Variants in HDAC5 observed in about 807,000 individuals in gnomAD.
The protein encoded by HDAC5 is histone deacetylase 5, also known as antigen NY-CO-9.
In HDAC5, 25 loss-of-function variants were observed where a neutral mutation model predicts 133.3. That is an observed-to-expected ratio of 0.19 (90% confidence interval 0.14 to 0.26). HDAC5 has a LOEUF of 0.26. Among genes scored for constraint, HDAC5 ranks in the 10% least tolerant of loss-of-function variants. The pLI is 1.00. For synonymous variants in HDAC5, 589 were observed against 610.8 expected (o/e 0.96, Z 0.53); for missense variants, 1,041 against 1,460.5 (o/e 0.71, Z 4.68).
intron 3 of HDAC5, among the ~76,000 whole-genome samples, chr17:44,109,980 C>T (rs746219695): frequency 6.6e-4 from 100 of 152,342 alleles, no homozygotes; most frequent in Non-Finnish European, 1.2e-3. Context: ...CTCTGGGGGA[C>T]CCCACCCCTA....
chr17:44,091,624 A>G, intron 10 of HDAC5, 76 bp downstream of exon 10: 2 of 1,503,922 alleles, frequency 1.3e-6, no homozygotes, highest in Non-Finnish European at 1.8e-6. Flanking sequence ...TTGGAAGGGG[A>G]AAACCCCAGC....
In HDAC5 at chr17:44,093,499, G is replaced by T; in HGVS notation, c.355-14C>A. The T allele has an allele frequency of 6.2e-7, 1 of 1,603,482 alleles. No homozygotes were observed. ...CTCCTGCTGCTGCTGCAGGGGCATG[G>T]GAACGGAGGCACAAGTGAGCCAGGC... On this transcript the variant is annotated splice_polypyrimidine_tract_variant and intron_variant, in intron 4 of 26. Coordinates refer to ENST00000682912, the MANE Select transcript of HDAC5 (RefSeq NM_005474.5).
At chr17:44,118,681 C>G (rs1482085379) in intron 1 of HDAC5, among the ~76,000 whole-genome samples, 1 of 152,158 alleles carries the variant, frequency 6.6e-6, no homozygotes, top group Non-Finnish European at 1.5e-5. Flanking sequence ...CCACGATCCA[C>G]CCCAGACATG....
Position 44,093,737 on chromosome 17 carries a change from C to T in HDAC5, c.192G>A (p.Val64=). 6.2e-7 allele frequency: 1 copy of T among 1,604,316 alleles called. No homozygotes were observed. Among genetic ancestry groups the T allele is most frequent in the Non-Finnish European group, 8.5e-7 (1 of 1,175,506 alleles). ...CCCGCAGTGTGGGGTCCACAGAGCC[C>T]ACCAGAGCCCCCCGTAGCTCCACAG... The part of the protein sequence containing the change: ...PSPVELRGAL[V]GSVDPTLREQ... Residue 64 remains valine, a synonymous_variant, in exon 4 of 27, where the codon GTG becomes GTA. Coordinates refer to ENST00000682912, the MANE Select transcript of HDAC5 (RefSeq NM_005474.5).
chr17:44,108,412 G>A (rs1274731480), intron 3 of HDAC5, among the ~76,000 whole-genome samples: 1 of 152,128 alleles, frequency 6.6e-6, no homozygotes, highest in African/African-American at 2.4e-5. Context: ...CAACAACCAA[G>A]ACAGCCCAGA....
At chr17:44,108,045 G>A (rs540033916) in intron 3 of HDAC5, among the ~76,000 whole-genome samples, 3 of 152,152 alleles carry the variant, frequency 2.0e-5, no homozygotes, top group Non-Finnish European at 2.9e-5. Context: ...CAAACTCCCA[G>A]GCTCCCCAAG....
At chr17:44,100,576 T>C (rs1320809949) in intron 3 of HDAC5, among the ~76,000 whole-genome samples, 10 of 16,986 alleles carry the variant, frequency 5.9e-4, no homozygotes, top group African/African-American at 1.6e-3. Context: ...CTACTAAAGA[T>C]ACAAAAAAAA....
At chr17:44,088,743 C>T (rs2050790311) in intron 11 of HDAC5, 145 bp from the exon 12 acceptor site, 1 of 1,160,074 alleles carries the variant, frequency 8.6e-7, no homozygotes, top group South Asian at 1.6e-5. Context: ...TGAAGCACCC[C>T]CCACCCAAAC....
At chr17:44,120,147 G>A (rs1397029221) in intron 1 of HDAC5, 2 of 152,462 alleles carry the variant, frequency 1.3e-5, no homozygotes, top group African/African-American at 4.8e-5. Context: ...GGGTGGAGGA[G>A]GGCAGACAAG....
At chr17:44,114,777 C>A (rs1461221967) in intron 2 of HDAC5, among the ~76,000 whole-genome samples, 1 of 152,222 alleles carries the variant, frequency 6.6e-6, no homozygotes, top group Non-Finnish European at 1.5e-5. Context: ...GGAGAACATG[C>A]AGAAGCAAAC....
intron 20 of HDAC5, among the ~76,000 whole-genome samples, chr17:44,081,388 T>C (rs1882323871): frequency 6.6e-6 from 1 of 151,662 alleles, no homozygotes; most frequent in Non-Finnish European, 1.5e-5. Flanking sequence ...TAGCTGGGAT[T>C]ACAGGCGCCC....
intron 1 of HDAC5, among the ~76,000 whole-genome samples, chr17:44,120,883 C>A (rs1168431180): frequency 6.6e-6 from 1 of 152,014 alleles, no homozygotes; most frequent in Non-Finnish European, 1.5e-5. Context: ...AGTGCCTCCC[C>A]CAAGCTAGGC....
chr17:44,093,965 C>T, intron 3 of HDAC5, 131 bp from the exon 4 acceptor site: 1 of 1,183,452 alleles, frequency 8.4e-7, no homozygotes, highest in African/African-American at 1.6e-5. Context: ...AAGTCAAATC[C>T]CTCTGCTCCA....
rs148234160 is a variant in HDAC5 at position 44,087,526 on chromosome 17, G to C, written c.1770C>G (p.Asp590Glu). 8.3e-5 allele frequency: 134 copies of C among 1,611,354 alleles called. No individual in the cohort carries two copies. The highest frequency in any genetic ancestry group is 1.0e-4 in the Non-Finnish European group (122 of 1,177,772). The change falls in exon 13 of 27, where the codon GAC becomes GAG. Residue 590 changes from aspartate (D) to glutamate (E), a missense_variant. Transcript: ENST00000682912. Reference sequence around the variant, plus strand: ...CCTCCTCCTCCCCATCGTCTTCCTCGTCCTCCTCCTCCAGGTCTTCCTGTG... The same window carrying C: ...CCTCCTCCTCCCCATCGTCTTCCTCCTCCTCCTCCTCCAGGTCTTCCTGTG... ...ESTQEDLEEE[D>E]EEDDGEEEED...
Position 44,086,737 on chromosome 17 carries a change from G to A in HDAC5, c.1885C>T (p.Leu629=). 1 of 1,293,942 alleles carries A rather than the reference G, an allele frequency of 7.7e-7. No homozygotes were observed. The highest frequency in any genetic ancestry group is 2.9e-5 in the East Asian group (1 of 35,060). The allele number at this position is 1,293,942 out of a possible 1,614,324, so 80.2% of individuals were successfully genotyped here. A position where few individuals can be genotyped will look rare whatever the true frequency, so the allele number is the denominator to read the frequency against. ...TGCAGCGGCTGGGCATCTGAGAACA[G>A]CTGGAGGGGAGAATGGGAGGGGGCC... The part of the protein sequence containing the change: ...LEEPGAGYKK[L]FSDAQPLQPL... Residue 629 remains leucine (L), a splice_region_variant and synonymous_variant, in exon 14 of 27, where the codon CTG becomes TTG. Coordinates refer to ENST00000682912, the MANE Select transcript of HDAC5 (RefSeq NM_005474.5).
Position 44,088,475 on chromosome 17 carries a change from C to G in HDAC5, c.1511G>C (p.Ser504Thr), listed in dbSNP as rs1192828178. The G allele has an allele frequency of 6.2e-7, 1 of 1,610,606 alleles. No homozygotes were observed. The highest frequency in any genetic ancestry group is 1.1e-5 in the South Asian group (1 of 90,414). The change falls in exon 12 of 27, where the codon AGT (serine) becomes ACT (threonine). Residue 504 changes from serine (S) to threonine (T), a missense_variant. Physicochemically the swap from Ser to Thr is moderately conservative, Grantham distance 58. Coordinates refer to ENST00000682912, the MANE Select transcript of HDAC5 (RefSeq NM_005474.5). ...SRTQSSPLPQSPQALQQLVMQ... is the reference protein window; with the variant it reads ...SRTQSSPLPQTPQALQQLVMQ... ...GACCAGCTGCTGCAGGGCCTGGGGA[C>G]TCTGCGGCAGCGGTGAGGACTGAGT...
intron 20 of HDAC5, chr17:44,082,282 T>C (rs908725163): frequency 2.4e-6 from 1 of 421,574 alleles, no homozygotes; most frequent in African/African-American, 2.0e-5. Flanking sequence ...CTACTAGCAA[T>C]GGCGGCAGCG....
chr17:44,077,320 G>T lies in HDAC5; in HGVS notation c.*1056C>A, dbSNP rs1034055114. 5 of 152,566 alleles carry T rather than the reference G, an allele frequency of 3.3e-5. No homozygotes were observed. The East Asian group carries it at 5.8e-4, about 18-fold the overall frequency. The allele number at this position is 152,566 out of a possible 1,614,324, so 9.5% of individuals were successfully genotyped here. On this transcript the variant is annotated 3_prime_UTR_variant, in exon 27 of 27. Coordinates refer to ENST00000682912, the MANE Select transcript of HDAC5 (RefSeq NM_005474.5). ...TCCCTTGGGCTGGTGGTCAGCAAAGGGAGCCCAGAAGGTATGGAAGCTCCA... is the reference window on the plus strand; with the variant it reads ...TCCCTTGGGCTGGTGGTCAGCAAAGTGAGCCCAGAAGGTATGGAAGCTCCA...
At chr17:44,080,607 CT>C in intron 21 of HDAC5, 109 bp from the exon 22 acceptor site, 1 of 1,473,916 alleles carries the variant, frequency 6.8e-7, no homozygotes, top group Non-Finnish European at 9.4e-7. Flanking sequence ...TCTGCTCTGC[CT>C]GGAGGGGCAG....
Sources: gnomAD v4.1 joint callset for allele counts (sites outside exome capture counted in the v4.1 genomes callset) on GRCh38, gnomAD v4.1.1 for gene constraint, MANE v1.5 for transcripts, NCBI Gene and HGNC (gene_info 2026-07-23, HGNC 2026-07-21) for gene names.